Variants in OTUD7A observed in about 807,000 individuals in gnomAD.
The protein encoded by OTUD7A is OTU domain-containing protein 7A.
Under a neutral mutation model 65.7 loss-of-function variants are expected in OTUD7A, and 12 were observed. That is an observed-to-expected ratio of 0.18 (90% CI 0.12 to 0.30). The LOEUF is 0.30. Ranked by LOEUF, OTUD7A falls within the 10% of genes least tolerant of loss-of-function variation. The probability of loss-of-function intolerance (pLI) is 1.00; values close to 1 mark genes in which losing one functional copy is unlikely to be tolerated. For missense variants in OTUD7A, 1,148 were observed against 1,304.8 expected (o/e 0.88, Z 1.85); for synonymous variants, 641 against 586.3 (o/e 1.09, Z -1.35).
In OTUD7A at chr15:31,636,091, G is replaced by A. The variant is rs1347440814; in HGVS notation, c.151+19005C>T. Among the ~76,000 whole-genome samples the A allele has an allele frequency of 3.9e-5, 6 of 152,310 alleles. No individual in the cohort carries two copies. The East Asian group carries it at 5.8e-4, about 15-fold the overall frequency. ...AGTTTATAATTTGAGAAGCTGACAC[G>A]TGTCCATACAGACACACCTCATTTT... On this transcript the variant is annotated intron_variant, in intron 3 of 12. Transcript: ENST00000307050.
rs555118850 is a variant in OTUD7A, at chr15:31,646,757, C to A, written c.151+8339G>T. Among the ~76,000 whole-genome samples the A allele has an allele frequency of 2.2e-4, 34 of 152,236 alleles. No homozygotes were observed. In the South Asian group the frequency reaches 6.9e-3, roughly 31 times the overall value. ...TACAGGCGTGAGCCACCAAGCCTGG[C>A]CAAAGTGTTTAATTTTAAGCAGCCA... On this transcript the variant is annotated intron_variant, in intron 3 of 12. Transcript: ENST00000307050.
chr15:31,759,917 A>G (rs181148078), intron 1 of OTUD7A, among the ~76,000 whole-genome samples: 87 of 152,320 alleles, frequency 5.7e-4, no homozygotes, highest in African/African-American at 2.0e-3. Flanking sequence ...AAACCTGAAC[A>G]TCACTGGAAA....
intron 8 of OTUD7A, among the ~76,000 whole-genome samples, chr15:31,523,646 C>T (rs2041968766): frequency 6.6e-6 from 1 of 152,230 alleles, no homozygotes; most frequent in Non-Finnish European, 1.5e-5. Context: ...ATGTCCTGGC[C>T]TGTACAGCCC....
chr15:31,598,847 T>A (rs2141208074), intron 3 of OTUD7A, among the ~76,000 whole-genome samples: 1 of 152,252 alleles, frequency 6.6e-6, no homozygotes, highest in South Asian at 2.1e-4. Flanking sequence ...TTGCTGAGGC[T>A]TGAGTAGGTG....
chr15:31,592,204 T>A (rs893719012), intron 3 of OTUD7A, among the ~76,000 whole-genome samples: 5 of 152,172 alleles, frequency 3.3e-5, no homozygotes, highest in Non-Finnish European at 7.3e-5. Flanking sequence ...TATACTAATT[T>A]AATTTTTTCT....
In OTUD7A at chr15:31,530,638, C is replaced by G. The variant is rs903492402; in HGVS notation, c.652+69G>C. ...GCTTTTCCTTCAATAGTGTTTCCTT[C>G]AATAGCATATGTCTTTCCTTACGCA... On this transcript the variant is annotated intron_variant, in intron 6 of 12. Transcript: ENST00000307050. 2.1e-6 allele frequency: 3 copies of G among 1,397,224 alleles called. No individual in the cohort carries two copies. In the Admixed American group the frequency reaches 5.8e-5, roughly 27 times the overall value. The allele number at this position is 1,397,224 out of a possible 1,614,324, so 86.6% of individuals were successfully genotyped here.
intron 1 of OTUD7A, among the ~76,000 whole-genome samples, chr15:31,694,312 A>C: frequency 1.3e-5 from 2 of 151,290 alleles, no homozygotes; most frequent in Admixed American, 6.6e-5. Flanking sequence ...CTTGTCCCCC[A>C]CTCCTACCTA....
intron 3 of OTUD7A, among the ~76,000 whole-genome samples, chr15:31,620,072 T>C (rs1056575055): frequency 4.6e-5 from 7 of 152,216 alleles, no homozygotes; most frequent in African/African-American, 9.7e-5. Context: ...ATTACATTTA[T>C]TGATTTGTGT....
At chr15:31,804,649 G>A (rs925427370) in intron 1 of OTUD7A, among the ~76,000 whole-genome samples, 2 of 152,116 alleles carry the variant, frequency 1.3e-5, no homozygotes, top group Admixed American at 1.3e-4. Flanking sequence ...GGAGGGGTGG[G>A]GCAGGGATGG....
At chr15:31,786,865 G>GC (rs1366372599) in intron 1 of OTUD7A, among the ~76,000 whole-genome samples, 1 of 152,094 alleles carries the variant, frequency 6.6e-6, no homozygotes, top group East Asian at 1.9e-4. Flanking sequence ...GACTGTAACC[G>GC]CCCCCCTTCA....
intron 5 of OTUD7A, among the ~76,000 whole-genome samples, chr15:31,542,701 A>G (rs1439367031): frequency 6.6e-6 from 1 of 151,902 alleles, no homozygotes; most frequent in Non-Finnish European, 1.5e-5. Context: ...GTGAAACTGC[A>G]CAATATAAAA....
intron 1 of OTUD7A, among the ~76,000 whole-genome samples, chr15:31,861,320 G>T (rs936347484): frequency 6.6e-6 from 1 of 152,110 alleles, no homozygotes; most frequent in Non-Finnish European, 1.5e-5. Context: ...CTAGTCAACG[G>T]GCATGGAAAG....
chr15:31,631,926 G>T (rs1246315284), intron 3 of OTUD7A, among the ~76,000 whole-genome samples: 2 of 152,070 alleles, frequency 1.3e-5, no homozygotes, highest in Non-Finnish European at 2.9e-5. Flanking sequence ...TTGAGCCTTG[G>T]CTTTCAGCTC....
chr15:31,495,178 C>T (rs2041365487), intron 10 of OTUD7A, among the ~76,000 whole-genome samples: 1 of 152,194 alleles, frequency 6.6e-6, no homozygotes, highest in Non-Finnish European at 1.5e-5. Flanking sequence ...CTGAAAAACC[C>T]TCAGCCAGTT....
intron 1 of OTUD7A, among the ~76,000 whole-genome samples, chr15:31,661,615 T>C (rs1233344003): frequency 2.0e-5 from 3 of 152,242 alleles, no homozygotes; most frequent in Non-Finnish European, 4.4e-5. Flanking sequence ...CCTGCTCACA[T>C]AATTTTGAAG....
intron 3 of OTUD7A, among the ~76,000 whole-genome samples, chr15:31,575,215 A>C (rs980603376): frequency 2.0e-5 from 3 of 152,220 alleles, no homozygotes; most frequent in Non-Finnish European, 2.9e-5. Context: ...TAAAACAGAA[A>C]TACAGAAACA....
intron 1 of OTUD7A, among the ~76,000 whole-genome samples, chr15:31,665,633 C>T (rs1327934765): frequency 6.6e-6 from 1 of 152,192 alleles, no homozygotes; most frequent in Non-Finnish European, 1.5e-5. Context: ...TGCCTCTTCA[C>T]TGATGTGGAT....
chr15:31,698,153 A>AT (rs1292982113), intron 1 of OTUD7A, among the ~76,000 whole-genome samples: 4 of 152,210 alleles, frequency 2.6e-5, no homozygotes, highest in Admixed American at 6.5e-5. Flanking sequence ...ATTAAATATA[A>AT]TTTTTTTCAA....
chr15:31,594,135 GA>G (rs1889836039), intron 3 of OTUD7A, among the ~76,000 whole-genome samples: 1 of 152,100 alleles, frequency 6.6e-6, no homozygotes, highest in Non-Finnish European at 1.5e-5. Context: ...CTGTCAAAAT[GA>G]ATTCAGTCCT....
Sources: allele counts gnomAD v4.1 joint callset (sites outside exome capture counted in the v4.1 genomes callset), GRCh38; gene constraint gnomAD v4.1.1; transcripts MANE v1.5; gene names NCBI Gene and HGNC (gene_info 2026-07-23, HGNC 2026-07-21).